TLN2: variants seen among roughly 807,000 people sequenced by gnomAD.
TLN2 encodes the protein talin 2, also known as talin-2.
Under a neutral mutation model 294.7 loss-of-function variants are expected in TLN2, and 118 were observed. That is an observed-to-expected ratio of 0.40 (90% confidence interval 0.34 to 0.47). The LOEUF (loss-of-function observed/expected upper bound fraction) is 0.47, where lower values mean the gene tolerates loss of function less well. Among genes scored for constraint, TLN2 ranks in the 20% least tolerant of loss-of-function variants. The pLI is 0.84. For missense variants in TLN2, 3,083 were observed against 3,282.2 expected (o/e 0.94, Z 1.48); for synonymous variants, 1,431 against 1,304.5 (o/e 1.10, Z -2.09).
chr15:62,497,831 T>C (rs554534918), intron 1 of TLN2, among the ~76,000 whole-genome samples: 1 of 152,274 alleles, frequency 6.6e-6, no homozygotes, highest in African/African-American at 2.4e-5. Context: ...TGGTGGGGTT[T>C]TGGCTGCTTT....
intron 52 of TLN2, 46 bp downstream of exon 52, chr15:62,810,078 T>C (rs1187398675): frequency 6.7e-7 from 1 of 1,490,220 alleles, no homozygotes; most frequent in South Asian, 1.1e-5. Context: ...TGTGTCCCTC[T>C]AGCTGTCCTG....
intron 1 of TLN2, among the ~76,000 whole-genome samples, chr15:62,482,454 T>C (rs1465306041): frequency 2.0e-5 from 3 of 151,448 alleles, no homozygotes; most frequent in Non-Finnish European, 4.4e-5. Context: ...AATACAAAAT[T>C]AGCCAGGCAT....
rs2070749300 is a variant in TLN2 at position 62,841,961 on chromosome 15, C to G, written c.*1351C>G. Reference sequence around the variant, plus strand: ...CTGGTAACAGTTAAAGGCACTCACCCTCCGCCTCTCTCTCTCTCTCTCTCT... The same window carrying G: ...CTGGTAACAGTTAAAGGCACTCACCGTCCGCCTCTCTCTCTCTCTCTCTCT... On this transcript the variant is annotated 3_prime_UTR_variant, in exon 59 of 59. Transcript: ENST00000636159. 1 of 135,534 alleles carries G rather than the reference C, an allele frequency of 7.4e-6. No individual in the cohort carries two copies. Among genetic ancestry groups the G allele is most frequent in the African/African-American group, 3.3e-5 (1 of 30,474 alleles). 8.4% of individuals were successfully genotyped at this position (135,534 alleles called of 1,614,324 possible). A position where few individuals can be genotyped will look rare whatever the true frequency, so the allele number is the denominator to read the frequency against.
At chr15:62,697,305 CATT>C (rs1174453762) in intron 14 of TLN2, among the ~76,000 whole-genome samples, 4 of 152,262 alleles carry the variant, frequency 2.6e-5, no homozygotes, top group African/African-American at 9.6e-5. Flanking sequence ...GACGAGGTCT[CATT>C]ATGTTGCCCA....
intron 11 of TLN2, 150 bp downstream of exon 11, chr15:62,675,471 C>A: frequency 1.4e-6 from 1 of 731,474 alleles, no homozygotes; most frequent in South Asian, 1.8e-5. Flanking sequence ...GTTTAGCTGC[C>A]GCACAGGCAT....
intron 1 of TLN2, among the ~76,000 whole-genome samples, chr15:62,582,462 A>G (rs779718537): frequency 2.0e-5 from 3 of 152,222 alleles, no homozygotes; most frequent in Non-Finnish European, 2.9e-5. Flanking sequence ...ACAGACATGT[A>G]AATAGATTAT....
chr15:62,550,095 T>A (rs968806614), intron 1 of TLN2, among the ~76,000 whole-genome samples: 23 of 151,238 alleles, frequency 1.5e-4, no homozygotes, highest in African/African-American at 5.6e-4. Context: ...TAGGCTGGGG[T>A]AGGGGAAGAG....
At position 62,750,508 on chromosome 15, in the gene TLN2, C is replaced by T. The variant is rs556869216; in HGVS notation, c.4209+17C>T. ...AACTCCAAGGTAAGACTGCCTATGC[C>T]GTAAGTCAGAAGTTAGCATTGCTTG... On this transcript the variant is annotated intron_variant, in intron 34 of 58. Coordinates refer to ENST00000636159, the MANE Select transcript of TLN2 (RefSeq NM_015059.3). 3.1e-5 allele frequency: 50 copies of T among 1,605,154 alleles called. No individual in the cohort carries two copies. The highest frequency in any genetic ancestry group is 1.6e-4 in the Middle Eastern group (1 of 6,064).
chr15:62,604,220 C>T (rs1005546374), intron 2 of TLN2, among the ~76,000 whole-genome samples: 3 of 152,100 alleles, frequency 2.0e-5, no homozygotes, highest in South Asian at 2.1e-4. Context: ...GGGAGCTGCT[C>T]AAAAGGGTTG....
intron 1 of TLN2, among the ~76,000 whole-genome samples, chr15:62,405,113 G>T (rs2033312256): frequency 2.0e-5 from 3 of 152,224 alleles, no homozygotes; most frequent in Non-Finnish European, 2.9e-5. Context: ...GCTTGACAAA[G>T]CTGGCACCAG....
intron 9 of TLN2, among the ~76,000 whole-genome samples, chr15:62,661,907 G>T (rs2053885470): frequency 6.6e-6 from 1 of 152,090 alleles, no homozygotes; most frequent in African/African-American, 2.4e-5. Context: ...AATTTATCAG[G>T]ATACTAAATA....
At chr15:62,754,258 T>G in intron 36 of TLN2, 1 of 168,688 alleles carries the variant, frequency 5.9e-6, no homozygotes, top group Non-Finnish European at 1.3e-5. Context: ...CTCCGTTTTC[T>G]ACCCCTTGGC....
intron 1 of TLN2, among the ~76,000 whole-genome samples, chr15:62,492,597 G>T (rs1403478007): frequency 6.6e-6 from 1 of 150,520 alleles, no homozygotes; most frequent in African/African-American, 2.4e-5. Context: ...TAATCCCAAT[G>T]TCTAGAGATA....
intron 1 of TLN2, among the ~76,000 whole-genome samples, chr15:62,519,584 G>T (rs542595591): frequency 6.6e-6 from 1 of 152,300 alleles, no homozygotes; most frequent in Non-Finnish European, 1.5e-5. Flanking sequence ...ACTTTTACAG[G>T]CTGATACAGG....
At chr15:62,544,924 G>A (rs2041905493) in intron 1 of TLN2, among the ~76,000 whole-genome samples, 1 of 151,928 alleles carries the variant, frequency 6.6e-6, no homozygotes, top group Middle Eastern at 3.2e-3. Context: ...GGAGATTTGG[G>A]GATGACCTCA....
chr15:62,748,949 G>T (rs1454335505), intron 33 of TLN2, among the ~76,000 whole-genome samples: 1 of 152,182 alleles, frequency 6.6e-6, no homozygotes, highest in African/African-American at 2.4e-5. Flanking sequence ...ATGGCTGTGG[G>T]GCCCCTAAGG....
In TLN2 at chr15:62,517,978, C is replaced by T. The variant is rs1202687628; in HGVS notation, c.-237-71709C>T. Among the ~76,000 whole-genome samples the T allele has an allele frequency of 2.6e-5, 4 of 151,680 alleles. No homozygotes were observed. The South Asian group carries it at 6.2e-4, about 24-fold the overall frequency. On this transcript the variant is annotated intron_variant, in intron 1 of 58. Coordinates refer to ENST00000636159, the MANE Select transcript of TLN2 (RefSeq NM_015059.3). ...TTAGCCATAAGATTGTTGTGTGGAA[C>T]GAGAGTAAAGCACTGACGTCAGACT... is the stretch of plus-strand genomic sequence containing the variant.
intron 41 of TLN2, among the ~76,000 whole-genome samples, chr15:62,768,402 C>T (rs1184824579): frequency 6.6e-6 from 1 of 152,196 alleles, no homozygotes; most frequent in Non-Finnish European, 1.5e-5. Context: ...GTCACCTGCT[C>T]TTCGGTGTCT....
At chr15:62,810,709 C>T (rs1163507795) in intron 52 of TLN2, among the ~76,000 whole-genome samples, 1 of 152,080 alleles carries the variant, frequency 6.6e-6, no homozygotes, top group African/African-American at 2.4e-5. Flanking sequence ...CACGGAGCAC[C>T]AAGAAGTAGG....
Sources: allele counts gnomAD v4.1 joint callset (sites outside exome capture counted in the v4.1 genomes callset), GRCh38; gene constraint gnomAD v4.1.1; transcripts MANE v1.5; gene names NCBI Gene and HGNC (gene_info 2026-07-23, HGNC 2026-07-21).